SNX24: variants seen among roughly 807,000 people sequenced by gnomAD.
The protein encoded by SNX24 is sorting nexin-24.
A neutral mutation model predicts 28.7 loss-of-function variants in SNX24; 22 were observed. The observed-to-expected ratio is 0.77, with a 90% CI of 0.55 to 1.10. The LOEUF is 1.10. Among genes scored for constraint, SNX24 ranks in the 50% least tolerant of loss-of-function variants. SNX24 has a pLI of 0.00. For missense variants in SNX24, 221 were observed against 201.1 expected (o/e 1.10, Z -0.60); for synonymous variants, 69 against 71.5 (o/e 0.96, Z 0.18).
chr5:122,927,618 G>C (rs989265134), intron 1 of SNX24, among the ~76,000 whole-genome samples: 1 of 152,178 alleles, frequency 6.6e-6, no homozygotes, highest in Non-Finnish European at 1.5e-5. Context: ...AGGTATAGGA[G>C]TTAGAAAAGT....
chr5:123,023,532 G>T, intron 5 of SNX24: 1 of 162,068 alleles, frequency 6.2e-6, no homozygotes, highest in Non-Finnish European at 1.4e-5. Flanking sequence ...ATCTGTTTCA[G>T]ATAAATGTTC....
chr5:122,923,588 C>T (rs754427930), intron 1 of SNX24, among the ~76,000 whole-genome samples: 74 of 152,298 alleles, frequency 4.9e-4, no homozygotes, highest in Non-Finnish European at 8.2e-4. Context: ...TGCGTTCTTT[C>T]ACGGACACAG....
At chr5:122,984,494 C>A (rs780689909) in intron 3 of SNX24, among the ~76,000 whole-genome samples, 11 of 152,166 alleles carry the variant, frequency 7.2e-5, no homozygotes, top group Non-Finnish European at 1.5e-4. Flanking sequence ...AAGTGGGCAT[C>A]TGCTGTTTAA....
At position 122,968,601 on chromosome 5, in the gene SNX24, CT is replaced by C. The variant is rs577753989; in HGVS notation, c.249+22444del. ...TTAGCAAGTGCAGTTGTTGGGTCTA[CT>C]TGTCTTCATAAGATATTTTGACAAT... On this transcript the variant is annotated intron_variant, in intron 3 of 6. Coordinates refer to ENST00000261369, the MANE Select transcript of SNX24 (RefSeq NM_014035.4). 5.2e-3 allele frequency among the ~76,000 whole-genome samples: 792 copies of C among 152,272 alleles called. 5 individuals are homozygous for C. The highest frequency in any genetic ancestry group is 7.4e-3 in the Non-Finnish European group (506 of 68,016).
At chr5:123,027,492 CG>C (rs1197782292) in intron 5 of SNX24, among the ~76,000 whole-genome samples, 1 of 152,134 alleles carries the variant, frequency 6.6e-6, no homozygotes, top group African/African-American at 2.4e-5. Flanking sequence ...ACCGAGGGCA[CG>C]GGCACCAGCG....
At chr5:122,847,055 C>T (rs1044330373) in intron 1 of SNX24, among the ~76,000 whole-genome samples, 5 of 151,840 alleles carry the variant, frequency 3.3e-5, no homozygotes, top group African/African-American at 9.7e-5. Flanking sequence ...CCCATCAGCA[C>T]TATCAACAGT....
At chr5:122,850,802 A>C (rs1249467643) in intron 1 of SNX24, among the ~76,000 whole-genome samples, 1 of 151,864 alleles carries the variant, frequency 6.6e-6, no homozygotes. Context: ...AAAAAAAAAA[A>C]AAAAAACCCA....
In SNX24 at chr5:123,007,778, G is replaced by T; in HGVS notation, c.*29G>T. 2 of 1,582,086 alleles carry T rather than the reference G, an allele frequency of 1.3e-6. No homozygotes were observed. Among genetic ancestry groups the T allele is most frequent in the Non-Finnish European group, 1.7e-6 (2 of 1,171,816 alleles). The stretch of plus-strand genomic sequence containing the variant: ...TCCTACATGGCTAAAAGAAGCAGAA[G>T]CAAGTTTCGAAGTCACAGTCAAGGA... On this transcript the variant is annotated 3_prime_UTR_variant, in exon 7 of 7. Transcript: ENST00000261369.
intron 1 of SNX24, among the ~76,000 whole-genome samples, chr5:122,887,070 G>A (rs1241066870): frequency 1.3e-5 from 2 of 152,132 alleles, no homozygotes; most frequent in Non-Finnish European, 1.5e-5. Flanking sequence ...ATTTGCTAAA[G>A]TATAGTTTAT....
intron 3 of SNX24, among the ~76,000 whole-genome samples, chr5:122,968,461 C>T (rs1389120599): frequency 6.6e-6 from 1 of 152,154 alleles, no homozygotes; most frequent in South Asian, 2.1e-4. Context: ...AACATTTTCC[C>T]ATTGTTCTGT....
intron 5 of SNX24, chr5:123,028,860 A>C (rs1263531160): frequency 3.7e-6 from 6 of 1,606,538 alleles, no homozygotes; most frequent in Non-Finnish European, 4.3e-6. Flanking sequence ...CTTTATATCC[A>C]TATCCTTTCT....
chr5:122,894,651 A>G (rs960504860), intron 1 of SNX24, among the ~76,000 whole-genome samples: 6 of 152,238 alleles, frequency 3.9e-5, no homozygotes, highest in Non-Finnish European at 8.8e-5. Flanking sequence ...GCATTGTCTT[A>G]GGACTGCTAG....
chr5:122,956,360 A>AT (rs1269205377), intron 3 of SNX24, among the ~76,000 whole-genome samples: 2 of 102,310 alleles, frequency 2.0e-5, no homozygotes, highest in Non-Finnish European at 1.9e-5. Flanking sequence ...GGGAAAAAAA[A>AT]AATATATACA....
At chr5:122,972,412 T>C (rs760352294) in intron 3 of SNX24, among the ~76,000 whole-genome samples, 16 of 152,200 alleles carry the variant, frequency 1.1e-4, no homozygotes, top group Non-Finnish European at 2.2e-4. Flanking sequence ...TGGATGCTGA[T>C]TCAAAGAATA....
chr5:123,028,672 A>G, intron 5 of SNX24: 3 of 908,752 alleles, frequency 3.3e-6, no homozygotes, highest in Non-Finnish European at 5.0e-6. Flanking sequence ...CGTCTTTACA[A>G]CTGTGTTCCT....
chr5:122,890,000 C>G (rs1216098781), intron 1 of SNX24, among the ~76,000 whole-genome samples: 2 of 151,500 alleles, frequency 1.3e-5, no homozygotes. Context: ...CAATCTGGAA[C>G]TGCCTCTCAG....
intron 3 of SNX24, among the ~76,000 whole-genome samples, chr5:122,953,248 G>C (rs192019567): frequency 1.1e-4 from 17 of 152,120 alleles, no homozygotes; most frequent in African/African-American, 4.1e-4. Context: ...GGGATTACAG[G>C]CACCTGCCAC....
At chr5:122,962,510 C>T (rs1317104906) in intron 3 of SNX24, among the ~76,000 whole-genome samples, 4 of 152,154 alleles carry the variant, frequency 2.6e-5, no homozygotes, top group Non-Finnish European at 4.4e-5. Flanking sequence ...GAAAACAGTA[C>T]ACTCTCTTTT....
At chr5:122,975,619 C>T (rs1003147126) in intron 3 of SNX24, among the ~76,000 whole-genome samples, 2 of 152,078 alleles carry the variant, frequency 1.3e-5, no homozygotes, top group Non-Finnish European at 2.9e-5. Context: ...AGACATATGA[C>T]AAAGATCTGA....
Sources: gnomAD v4.1 joint callset for allele counts (sites outside exome capture counted in the v4.1 genomes callset) on GRCh38, gnomAD v4.1.1 for gene constraint, MANE v1.5 for transcripts, NCBI Gene and HGNC (gene_info 2026-07-23, HGNC 2026-07-21) for gene names.